Variants in IFFO2 observed in about 807,000 individuals in gnomAD.
The protein encoded by IFFO2 is intermediate filament family orphan 2.
In IFFO2, 19 loss-of-function variants were observed where a neutral mutation model predicts 53.5. That is an observed-to-expected ratio of 0.36 (90% CI 0.25 to 0.52). The LOEUF is 0.52. Ranked by LOEUF, IFFO2 falls within the 20% of genes least tolerant of loss-of-function variation. The pLI is 0.94. For missense variants in IFFO2, 570 were observed against 727.4 expected, an observed-to-expected ratio of 0.78 and a Z score of 2.49; for synonymous variants, 303 against 313.6, an observed-to-expected ratio of 0.97 and a Z score of 0.36.
At chr1:18,920,959 G>C in intron 2 of IFFO2, 102 bp downstream of exon 2, 4 of 941,754 alleles carry the variant, frequency 4.2e-6, no homozygotes, top group Non-Finnish European at 6.8e-6. Flanking sequence ...CAGAGTAGGG[G>C]CTGTGCAAGA....
Position 18,918,535 on chromosome 1 carries a change from A to T in IFFO2, c.823-33T>A. ...GAGGACAGCAGGGTTTACATGAGCG[A>T]GGGATGGAGCAAGCCTGGGGGGCTT... On this transcript the variant is annotated intron_variant, in intron 3 of 8. Coordinates refer to ENST00000455833, the MANE Select transcript of IFFO2 (RefSeq NM_001136265.2). This position sits in a 1 kb window ranked among gnomAD's most constrained non-coding sequence, Gnocchi z 5.2. The T allele has an allele frequency of 2.6e-6, 4 of 1,549,980 alleles. No individual in the cohort carries two copies. The highest frequency in any genetic ancestry group is 3.5e-6 in the Non-Finnish European group (4 of 1,145,746).
At chr1:18,912,224 G>A in intron 5 of IFFO2, 141 bp from the exon 6 acceptor site, 4 of 923,984 alleles carry the variant, frequency 4.3e-6, no homozygotes, top group South Asian at 1.8e-5. Context: ...TAAGCCAAAG[G>A]GGACATTCGC....
rs1936187356 is a variant in IFFO2, at chr1:18,919,573, G to C, written c.822+105C>G. On this transcript the variant is annotated intron_variant, in intron 3 of 8. Coordinates refer to ENST00000455833, the MANE Select transcript of IFFO2 (RefSeq NM_001136265.2). The surrounding 1 kb of genome is among the most constrained non-coding windows in gnomAD (Gnocchi z 4.9). ...CTCATGGTCAAACACAGCCAGCCAG[G>C]ATTCTAACTAGAAGCCGAGCCCCGG... 1 of 761,126 alleles carries C rather than the reference G, an allele frequency of 1.3e-6. No homozygotes were observed. The highest frequency in any genetic ancestry group is 1.7e-5 in the African/African-American group (1 of 57,978). 47.1% of individuals were successfully genotyped at this position (761,126 alleles called of 1,614,324 possible).
Position 18,936,567 on chromosome 1 carries a change from A to G in IFFO2, c.666-15446T>C, listed in dbSNP as rs1175941898. ...CAGGGTTATGTTTACAGCTTTGAGA[A>G]AAACAGCAACTCCCAAGGCTATTTT... On this transcript the variant is annotated intron_variant, in intron 1 of 8. Coordinates refer to ENST00000455833, the MANE Select transcript of IFFO2 (RefSeq NM_001136265.2). This position sits in a 1 kb window ranked among gnomAD's most constrained non-coding sequence, Gnocchi z 4.5. 6.6e-6 allele frequency among the ~76,000 whole-genome samples: 1 copy of G among 152,246 alleles called. No homozygotes were observed. Among genetic ancestry groups the G allele is most frequent in the African/African-American group, 2.4e-5 (1 of 41,466 alleles).
intron 1 of IFFO2, among the ~76,000 whole-genome samples, chr1:18,941,867 A>G (rs1936526382): frequency 1.3e-5 from 2 of 152,102 alleles, no homozygotes; most frequent in Non-Finnish European, 2.9e-5. Flanking sequence ...TCCCCCATTC[A>G]TGTCCACATT....
At chr1:18,913,204 C>T (rs375095070) in intron 5 of IFFO2, among the ~76,000 whole-genome samples, 20 of 152,348 alleles carry the variant, frequency 1.3e-4, no homozygotes, top group Middle Eastern at 3.4e-3. Context: ...AAAGCTGCCT[C>T]GAGCGCCCCC....
intron 1 of IFFO2, among the ~76,000 whole-genome samples, chr1:18,938,141 C>G (rs1008450965): frequency 1.3e-5 from 2 of 152,242 alleles, no homozygotes; most frequent in African/African-American, 4.8e-5. Flanking sequence ...CTGGGATGGG[C>G]GTCCAACTCA....
rs551825996 is a variant in IFFO2 at position 18,955,523 on chromosome 1, G to A, written c.665+145C>T. The A allele has an allele frequency of 2.4e-6, 3 of 1,260,998 alleles. No homozygotes were observed. In the Admixed American group the frequency reaches 9.6e-5, roughly 40 times the overall value. 78.1% of individuals were successfully genotyped at this position (1,260,998 alleles called of 1,614,324 possible). On this transcript the variant is annotated intron_variant, in intron 1 of 8. Transcript: ENST00000455833. ...ATCTAGATAACTGGGCCTTCCTGGC[G>A]TACGTAAGACGCTCTGCAAACACAG... is the stretch of plus-strand genomic sequence containing the variant.
chr1:18,910,210 G>T, intron 8 of IFFO2, 132 bp downstream of exon 8: 1 of 1,033,712 alleles, frequency 9.7e-7, no homozygotes, highest in Non-Finnish European at 1.4e-6. Context: ...TGGATGGATG[G>T]ATGGACGGAC....
chr1:18,929,211 T>C (rs1362796796), intron 1 of IFFO2, among the ~76,000 whole-genome samples: 2 of 152,214 alleles, frequency 1.3e-5, no homozygotes, highest in African/African-American at 4.8e-5. Flanking sequence ...TCTCCACTTC[T>C]GTAAAACGGG....
chr1:18,953,923 G>A (rs1936690156), intron 1 of IFFO2, among the ~76,000 whole-genome samples: 2 of 152,308 alleles, frequency 1.3e-5, no homozygotes, highest in Admixed American at 1.3e-4. Flanking sequence ...CACAACACAA[G>A]CCTGAGGCAT....
In IFFO2 at chr1:18,917,329, T is replaced by G. The variant is rs1936147787; in HGVS notation, c.964-287A>C. 6.6e-6 allele frequency among the ~76,000 whole-genome samples: 1 copy of G among 151,924 alleles called. No homozygotes were observed. Among genetic ancestry groups the G allele is most frequent in the South Asian group, 2.1e-4 (1 of 4,828 alleles). ...TTACCACAGAAGCAGCCCCACAGTT[T>G]GGGGAGAGGAGCAGGCCAGACCGGG... On this transcript the variant is annotated intron_variant, in intron 4 of 8. Transcript: ENST00000455833. This position sits in a 1 kb window ranked among gnomAD's most constrained non-coding sequence, Gnocchi z 5.9.
At position 18,928,810 on chromosome 1, in the gene IFFO2, C is replaced by T. The variant is rs1417269465; in HGVS notation, c.666-7689G>A. On this transcript the variant is annotated intron_variant, in intron 1 of 8. Coordinates refer to ENST00000455833, the MANE Select transcript of IFFO2 (RefSeq NM_001136265.2). The surrounding 1 kb of genome is among the most constrained non-coding windows in gnomAD (Gnocchi z 4.9). The stretch of plus-strand genomic sequence containing the variant: ...TATAATAGGATCTCCCAAAATCCCT[C>T]GGGACATGACATTTGCAGTGTTATT... 2.6e-5 allele frequency among the ~76,000 whole-genome samples: 4 copies of T among 152,184 alleles called. No homozygotes were observed. Among genetic ancestry groups the T allele is most frequent in the African/African-American group, 7.2e-5 (3 of 41,434 alleles).
chr1:18,923,290 C>T (rs1188872741), intron 1 of IFFO2, among the ~76,000 whole-genome samples: 1 of 152,256 alleles, frequency 6.6e-6, no homozygotes, highest in East Asian at 1.9e-4. Flanking sequence ...GGGAATGAGG[C>T]CCAGCACCCC....
At chr1:18,933,303 G>T (rs147660095) in intron 1 of IFFO2, among the ~76,000 whole-genome samples, 1 of 152,334 alleles carries the variant, frequency 6.6e-6, no homozygotes, top group South Asian at 2.1e-4. Context: ...ATCTTCCTCC[G>T]TCCATGAGTG....
rs542876319 is a variant in IFFO2 at position 18,919,089 on chromosome 1, G to T, written c.823-587C>A. Among the ~76,000 whole-genome samples the T allele has an allele frequency of 3.3e-5, 5 of 152,318 alleles. No individual in the cohort carries two copies. The highest frequency in any genetic ancestry group is 3.3e-4 in the Admixed American group (5 of 15,306). On this transcript the variant is annotated intron_variant, in intron 3 of 8. Coordinates refer to ENST00000455833, the MANE Select transcript of IFFO2 (RefSeq NM_001136265.2). The surrounding 1 kb of genome is among the most constrained non-coding windows in gnomAD (Gnocchi z 4.9). ...ACGTTCTGGCCCCTTCTGCCTTCTG[G>T]TGGGGTCTCCCCCTGTACTGCCCAC...
intron 1 of IFFO2, among the ~76,000 whole-genome samples, chr1:18,937,235 A>ATGGGTAACAGGGCAACGGTCACAGAC (rs1936461372): frequency 1.3e-5 from 2 of 152,174 alleles, no homozygotes; most frequent in Admixed American, 1.3e-4. Flanking sequence ...GCAACCAAGG[A>ATGGGTAACAGGGCAACGGTCACAGAC]TGGGTAACAG....
chr1:18,923,236 CA>C (rs1217498637), intron 1 of IFFO2, among the ~76,000 whole-genome samples: 4 of 152,202 alleles, frequency 2.6e-5, no homozygotes, highest in African/African-American at 7.2e-5. Context: ...CGCAGGCACC[CA>C]GGGGCACCTC....
intron 8 of IFFO2, among the ~76,000 whole-genome samples, chr1:18,908,888 G>C (rs1470650452): frequency 1.3e-5 from 2 of 152,168 alleles, no homozygotes; most frequent in Non-Finnish European, 2.9e-5. Context: ...TCTCTAGGAA[G>C]AAAGCCCCTT....
Sources: gnomAD v4.1 joint callset for allele counts (sites outside exome capture counted in the v4.1 genomes callset) on GRCh38, gnomAD v4.1.1 for gene constraint, Gnocchi (gnomAD v3.1) non-coding constraint, MANE v1.5 for transcripts, NCBI Gene and HGNC (gene_info 2026-07-23, HGNC 2026-07-21) for gene names.